Variants in TMTC1 observed in about 807,000 individuals in gnomAD.
TMTC1 encodes the protein protein O-mannosyl-transferase TMTC1.
Under a neutral mutation model 104.8 loss-of-function variants are expected in TMTC1, and 73 were observed. The observed-to-expected ratio is 0.70, with a 90% confidence interval of 0.58 to 0.85. The LOEUF (loss-of-function observed/expected upper bound fraction) is 0.85, where lower values mean the gene tolerates loss of function less well. Ranked by LOEUF, TMTC1 falls within the 40% of genes least tolerant of loss-of-function variation. The probability of loss-of-function intolerance (pLI) is 0.00; values close to 1 mark genes in which losing one functional copy is unlikely to be tolerated. For missense variants in TMTC1, 1,035 were observed against 1,096.1 expected (o/e 0.94, Z 0.79); for synonymous variants, 434 against 428.7 (o/e 1.01, Z -0.15).
In TMTC1 at chr12:29,626,678, A is replaced by G. The variant is rs909753047; in HGVS notation, c.1128+6469T>C. On this transcript the variant is annotated intron_variant, in intron 6 of 17. Transcript: ENST00000539277. ...TCAATGACCTAAATATAAGAGCTAA[A>G]ACCACAAAACTCTTAGAAGAAAACA... Among the ~76,000 whole-genome samples, 3 of 152,214 alleles carry G rather than the reference A, an allele frequency of 2.0e-5. No individual in the cohort carries two copies. In the East Asian group the frequency reaches 5.8e-4, roughly 29 times the overall value.
intron 9 of TMTC1, among the ~76,000 whole-genome samples, chr12:29,570,486 T>C (rs1266572708): frequency 1.3e-5 from 2 of 152,242 alleles, no homozygotes; most frequent in Admixed American, 1.3e-4. Flanking sequence ...CCTCTGGAAC[T>C]TATAATTCTT....
At chr12:29,515,811 A>T (rs1943969515) in intron 15 of TMTC1, among the ~76,000 whole-genome samples, 1 of 149,692 alleles carries the variant, frequency 6.7e-6, no homozygotes, top group South Asian at 2.1e-4. Context: ...TGGCCAGGAC[A>T]TAGTGGGCCT....
intron 5 of TMTC1, among the ~76,000 whole-genome samples, chr12:29,685,199 GA>G (rs1941053589): frequency 6.6e-6 from 1 of 151,518 alleles, no homozygotes; most frequent in African/African-American, 2.4e-5. Context: ...AAATTAACCA[GA>G]GCTATATTAT....
intron 5 of TMTC1, among the ~76,000 whole-genome samples, chr12:29,643,695 ATATAT>A (rs1313978287): frequency 7.4e-5 from 3 of 40,776 alleles, no homozygotes; most frequent in African/African-American, 1.1e-4. Flanking sequence ...TATATATTAT[ATATAT>A]TATATATTAT....
At chr12:29,604,151 T>C (rs1218775510) in intron 7 of TMTC1, 27 bp downstream of exon 7, 3 of 1,612,004 alleles carry the variant, frequency 1.9e-6, no homozygotes, top group South Asian at 1.1e-5. Context: ...GCAGGTCTTG[T>C]AGGAGGAAGT....
chr12:29,700,375 T>C (rs776887814), intron 5 of TMTC1, among the ~76,000 whole-genome samples: 9 of 151,756 alleles, frequency 5.9e-5, no homozygotes, highest in Non-Finnish European at 1.0e-4. Context: ...TGGGCTCTTT[T>C]AATATTTTGT....
chr12:29,779,107 T>C (rs1391738914), intron 1 of TMTC1, among the ~76,000 whole-genome samples: 2 of 152,170 alleles, frequency 1.3e-5, no homozygotes, highest in Non-Finnish European at 2.9e-5. Flanking sequence ...TCCAAGTAGC[T>C]GAAAGACGAG....
intron 5 of TMTC1, among the ~76,000 whole-genome samples, chr12:29,738,186 A>C (rs1446248051): frequency 6.6e-6 from 1 of 152,192 alleles, no homozygotes; most frequent in African/African-American, 2.4e-5. Context: ...TCAACTTTTT[A>C]CTGCTACTAA....
intron 5 of TMTC1, among the ~76,000 whole-genome samples, chr12:29,655,997 A>G (rs747693590): frequency 1.3e-5 from 2 of 152,178 alleles, no homozygotes; most frequent in Non-Finnish European, 2.9e-5. Context: ...GAGAAGAAGC[A>G]TCAAGGAGCC....
chr12:29,598,874 C>T (rs1946480870), intron 7 of TMTC1, among the ~76,000 whole-genome samples: 1 of 152,168 alleles, frequency 6.6e-6, no homozygotes, highest in Admixed American at 6.5e-5. Context: ...TGTCTGCAAA[C>T]AAGGACAATT....
chr12:29,526,512 T>C (rs545753107), intron 11 of TMTC1, among the ~76,000 whole-genome samples: 1 of 152,308 alleles, frequency 6.6e-6, no homozygotes, highest in Non-Finnish European at 1.5e-5. Context: ...ATTCAATTAA[T>C]TCTTGTCTTG....
intron 3 of TMTC1, among the ~76,000 whole-genome samples, chr12:29,757,429 A>T (rs925544378): frequency 2.0e-5 from 3 of 152,164 alleles, no homozygotes; most frequent in Non-Finnish European, 1.5e-5. Context: ...AGATATTGCC[A>T]AATGTCTCCT....
intron 7 of TMTC1, among the ~76,000 whole-genome samples, chr12:29,599,970 G>GTGTATATATATA (rs1946514364): frequency 1.1e-5 from 1 of 94,346 alleles, no homozygotes; most frequent in African/African-American, 7.3e-5. Flanking sequence ...ATATATATAT[G>GTGTATATATATA]TGTGTGTGTG....
chr12:29,643,630 AT>A (rs1565733240), intron 5 of TMTC1, among the ~76,000 whole-genome samples: 71 of 26,774 alleles, frequency 2.7e-3, no homozygotes, highest in African/African-American at 8.6e-3. Flanking sequence ...TCTATATATT[AT>A]ATATATAATA....
At chr12:29,696,098 T>C (rs1036103924) in intron 5 of TMTC1, among the ~76,000 whole-genome samples, 1 of 152,064 alleles carries the variant, frequency 6.6e-6, no homozygotes, top group African/African-American at 2.4e-5. Flanking sequence ...AACAAAGTAT[T>C]TTAATTAACT....
At chr12:29,627,931 C>G (rs1182718321) in intron 6 of TMTC1, among the ~76,000 whole-genome samples, 1 of 152,104 alleles carries the variant, frequency 6.6e-6, no homozygotes, top group African/African-American at 2.4e-5. Context: ...CTCCCCATAC[C>G]AAAAAGACGC....
chr12:29,583,649 A>G (rs1946046638), intron 7 of TMTC1, 75 bp from the exon 8 acceptor site: 5 of 1,357,334 alleles, frequency 3.7e-6, no homozygotes, highest in Non-Finnish European at 5.0e-6. Flanking sequence ...CTCCTACAAA[A>G]CTAACTTTCA....
chr12:29,781,287 T>C (rs1374725491), intron 1 of TMTC1, among the ~76,000 whole-genome samples: 1 of 152,122 alleles, frequency 6.6e-6, no homozygotes. Context: ...AAAAAAAGAG[T>C]GTATCTTTCA....
intron 5 of TMTC1, among the ~76,000 whole-genome samples, chr12:29,723,321 C>T (rs899423570): frequency 6.6e-6 from 1 of 152,130 alleles, no homozygotes; most frequent in East Asian, 1.9e-4. Context: ...ATAATGAAGA[C>T]AACTATAAAG....
Sources: gnomAD v4.1 joint callset for allele counts (sites outside exome capture counted in the v4.1 genomes callset) on GRCh38, gnomAD v4.1.1 for gene constraint, MANE v1.5 for transcripts, NCBI Gene and HGNC (gene_info 2026-07-23, HGNC 2026-07-21) for gene names.